The following RECQL variants were observed in gnomAD, a reference collection of about 807,000 sequenced individuals.
RECQL encodes the protein RecQ like helicase, also known as ATP-dependent DNA helicase Q1.
In RECQL, 73 loss-of-function variants were observed where a neutral mutation model predicts 75.8. That is an observed-to-expected ratio of 0.96 (90% CI 0.80 to 1.17). The LOEUF is 1.17. Ranked by LOEUF, RECQL falls within the 50% of genes most tolerant of loss-of-function variation. The pLI, the probability that RECQL is intolerant of heterozygous loss-of-function variation, is 0.00. For synonymous variants in RECQL, 248 were observed against 254.4 expected, an observed-to-expected ratio of 0.97 and a Z score of 0.24; for missense variants, 699 against 772.1, an observed-to-expected ratio of 0.91 and a Z score of 1.12.
chr12:21,486,832 G>A (rs538129985), intron 4 of RECQL, among the ~76,000 whole-genome samples: 102 of 151,768 alleles, frequency 6.7e-4, no homozygotes, highest in Non-Finnish European at 1.4e-3. Context: ...TGCCATGCCT[G>A]GCTAATTTCT....
intron 3 of RECQL, among the ~76,000 whole-genome samples, 171 bp from the exon 4 acceptor site, chr12:21,490,549 T>C (rs1164882913): frequency 1.3e-5 from 2 of 152,190 alleles, no homozygotes; most frequent in Non-Finnish European, 2.9e-5. Flanking sequence ...AGTTAAATGA[T>C]GTATTATAAG....
rs184721652 is a variant in RECQL, at chr12:21,473,117, T to C, written c.1447+434A>G. Among the ~76,000 whole-genome samples the C allele has an allele frequency of 2.8e-3, 422 of 152,268 alleles. 3 individuals carry two copies. The highest frequency in any genetic ancestry group is 4.7e-3 in the Non-Finnish European group (322 of 67,992). ...AATCCATTTGGAAGTCTAATACTTC[T>C]CTCATGTCCCAGCTGTATATACAGT... On this transcript the variant is annotated intron_variant, in intron 12 of 14. Transcript: ENST00000444129.
Position 21,501,609 on chromosome 12 carries a change from T to C in RECQL, c.-485A>G, listed in dbSNP as rs534577258. The C allele has an allele frequency of 2.6e-5, 10 of 387,348 alleles. No individual in the cohort carries two copies. Among genetic ancestry groups the C allele is most frequent in the East Asian group, 5.1e-5 (1 of 19,700 alleles). The allele number at this position is 387,348 out of a possible 1,614,324, so 24.0% of individuals were successfully genotyped here. ...TTTCCGCTACTCGGGAGTAAAATCT[T>C]CCCGCCAGCCAGCTGAGAGCATCCA... On this transcript the variant is annotated 5_prime_UTR_variant, in exon 1 of 15. Coordinates refer to ENST00000444129, the MANE Select transcript of RECQL (RefSeq NM_002907.4).
intron 6 of RECQL, among the ~76,000 whole-genome samples, chr12:21,482,687 G>C (rs1943214907): frequency 6.6e-6 from 1 of 152,154 alleles, no homozygotes; most frequent in Non-Finnish European, 1.5e-5. Context: ...GCTATGTAGG[G>C]ACAGGAGCCT....
intron 2 of RECQL, among the ~76,000 whole-genome samples, chr12:21,493,491 T>C (rs1943449873): frequency 6.6e-6 from 1 of 152,138 alleles, no homozygotes; most frequent in Non-Finnish European, 1.5e-5. Context: ...TTATCCTCTA[T>C]AGGTACAGGG....
rs2137317286 is a variant in RECQL, at chr12:21,471,606, T to C, written c.1489A>G (p.Ile497Val). ...TCCTCTGCCTGCTTCAGGATCTTGA[T>C]TAGATCTCTGCAGTACTCTGTTATG... ...KNITEYCRDL[I>V]KILKQAEELN... Residue 497 changes from isoleucine to valine, a missense_variant, in exon 13 of 15, where the codon ATC becomes GTC. By Grantham distance (29) the Ile-to-Val change is conservative. Around this residue, in one of 2 missense-constraint regions of RECQL, gnomAD observed 669 missense variants for 713.5 expected, o/e 0.94. Transcript: ENST00000444129. 5.0e-6 allele frequency: 8 copies of C among 1,612,746 alleles called. No individual in the cohort carries two copies. Among genetic ancestry groups the C allele is most frequent in the Non-Finnish European group, 6.8e-6 (8 of 1,179,148 alleles).
chr12:21,496,837 G>T (rs953191348), intron 2 of RECQL, among the ~76,000 whole-genome samples: 6 of 152,140 alleles, frequency 3.9e-5, no homozygotes, highest in African/African-American at 1.4e-4. Context: ...AAAACTTGCC[G>T]GTTTTGAGTA....
At chr12:21,486,652 T>C (rs1943305400) in intron 4 of RECQL, 67 bp from the exon 5 acceptor site, 1 of 319,972 alleles carries the variant, frequency 3.1e-6, no homozygotes, top group Non-Finnish European at 5.6e-6. Flanking sequence ...ATGCAAACCA[T>C]TCACGTTTTT....
At chr12:21,475,936 A>C in intron 8 of RECQL, 112 bp from the exon 9 acceptor site, 1 of 865,950 alleles carries the variant, frequency 1.2e-6, no homozygotes, top group Non-Finnish European at 1.7e-6. Flanking sequence ...GGAAAAAAAG[A>C]ATTATGAAAA....
rs141019005 is a variant in RECQL, at chr12:21,498,968, C to T, written c.16+587G>A. Among the ~76,000 whole-genome samples the T allele has an allele frequency of 8.5e-5, 13 of 152,186 alleles. 2 individuals are homozygous for T. The highest frequency in any genetic ancestry group is 4.1e-4 in the South Asian group (2 of 4,826). ...TTTTTCCTTTTATTTGGTCCCTCTC[C>T]GATACATTACAGTATTACCAAGGAG... On this transcript the variant is annotated intron_variant, in intron 2 of 14. Coordinates refer to ENST00000444129, the MANE Select transcript of RECQL (RefSeq NM_002907.4).
chr12:21,489,585 T>C (rs895502748), intron 4 of RECQL, among the ~76,000 whole-genome samples: 2 of 152,210 alleles, frequency 1.3e-5, no homozygotes, highest in South Asian at 2.1e-4. Flanking sequence ...TCCCAGTGCC[T>C]AGCACCATGG....
rs775565257 is a variant in RECQL, at chr12:21,470,200, A to G, written c.1944T>C (p.Asp648=). 5 of 1,611,706 alleles carry G rather than the reference A, an allele frequency of 3.1e-6. No homozygotes were observed. In the East Asian group the frequency reaches 1.1e-4, roughly 36 times the overall value. ...NTGAKKRKID[D]A Reference sequence around the variant, plus strand: ...AAATTTAGTAACATTCATATCAGGCATCATCGATTTTTCTTTTCTTAGCTC... The same window carrying G: ...AAATTTAGTAACATTCATATCAGGCGTCATCGATTTTTCTTTTCTTAGCTC... The change falls in exon 15 of 15, where the codon GAT becomes GAC. Residue 648 remains aspartate (D), a synonymous_variant. Transcript: ENST00000444129.
chr12:21,486,494 A>G lies in RECQL; in HGVS notation c.486T>C (p.Asn162=). 1 of 1,595,902 alleles carries G rather than the reference A, an allele frequency of 6.3e-7. No homozygotes were observed. Reference sequence around the variant, plus strand: ...TGAAACATACCTTAGAACTAGAAGCATTTAACATGGTTGCTGAAATTCCTA... The same window carrying G: ...TGAAACATACCTTAGAACTAGAAGCGTTTAACATGGTTGCTGAAATTCCTA... The part of the protein sequence containing the change: ...KQLGISATML[N]ASSSKEHVKW... The change falls in exon 5 of 15, where the codon AAT becomes AAC. Residue 162 remains asparagine, a synonymous_variant. Transcript: ENST00000444129.
rs1455455810 is a variant in RECQL at position 21,475,813 on chromosome 12, A to G, written c.961T>C (p.Cys321Arg). Residue 321 changes from cysteine to arginine, a missense_variant, in exon 9 of 15, where the codon TGT becomes CGT. Physicochemically the swap from Cys to Arg is radical, Grantham distance 180. Transcript: ENST00000444129. ...RYKGQSGIIY[C>R]FSQKDSEQVT... ...TGTTCAGAGTCTTTCTGAGAAAAAC[A>G]ATATATGATTCCTGCAGTAAAATAT... The G allele has an allele frequency of 6.2e-7, 1 of 1,611,896 alleles. No individual in the cohort carries two copies. Among genetic ancestry groups the G allele is most frequent in the Admixed American group, 1.7e-5 (1 of 59,972 alleles).
intron 6 of RECQL, among the ~76,000 whole-genome samples, chr12:21,479,187 G>A (rs1943144254): frequency 1.3e-5 from 2 of 152,050 alleles, no homozygotes; most frequent in African/African-American, 4.8e-5. Flanking sequence ...ACTTCCTACA[G>A]TAAAACCGTT....
At chr12:21,473,867 C>T (rs747904647) in intron 11 of RECQL, among the ~76,000 whole-genome samples, 2 of 152,042 alleles carry the variant, frequency 1.3e-5, no homozygotes, top group Non-Finnish European at 2.9e-5. Context: ...AGGTTCTTCT[C>T]ACATCACACA....
intron 2 of RECQL, among the ~76,000 whole-genome samples, chr12:21,497,064 TG>T (rs1943522253): frequency 6.6e-6 from 1 of 152,226 alleles, no homozygotes; most frequent in South Asian, 2.1e-4. Flanking sequence ...AAACAACTTC[TG>T]GGTTGCTCCT....
At chr12:21,484,380 T>C (rs1337179946) in intron 5 of RECQL, among the ~76,000 whole-genome samples, 1 of 152,190 alleles carries the variant, frequency 6.6e-6, no homozygotes, top group Non-Finnish European at 1.5e-5. Context: ...ATCATGAACT[T>C]GTAATTATCT....
At chr12:21,493,438 T>C (rs1248096148) in intron 2 of RECQL, among the ~76,000 whole-genome samples, 1 of 152,122 alleles carries the variant, frequency 6.6e-6, no homozygotes, top group Non-Finnish European at 1.5e-5. Flanking sequence ...GGATCTGCAT[T>C]AAGGGACCTC....
Sources: gnomAD v4.1 joint callset for allele counts (sites outside exome capture counted in the v4.1 genomes callset) on GRCh38, gnomAD v4.1.1 for gene constraint, gnomAD v4.1.1 regional missense constraint, MANE v1.5 for transcripts, NCBI Gene and HGNC (gene_info 2026-07-23, HGNC 2026-07-21) for gene names.